UBASH3B: variants seen among roughly 807,000 people sequenced by gnomAD.
UBASH3B encodes ubiquitin associated and SH3 domain containing B.
Under a neutral mutation model 83.4 loss-of-function variants are expected in UBASH3B, and 37 were observed. The ratio of observed to expected loss-of-function variants is 0.44; its 90% CI spans 0.34 to 0.58. The LOEUF is 0.58. UBASH3B is among the 20% of genes least tolerant of loss of function. The probability of loss-of-function intolerance (pLI) is 0.01; values close to 1 mark genes in which losing one functional copy is unlikely to be tolerated. For missense variants in UBASH3B, 657 were observed against 827.2 expected (o/e 0.79, Z 2.52); for synonymous variants, 304 against 318.3 (o/e 0.96, Z 0.48).
At chr11:122,731,416 A>T (rs1860842216) in intron 1 of UBASH3B, among the ~76,000 whole-genome samples, 1 of 152,186 alleles carries the variant, frequency 6.6e-6, no homozygotes, top group Admixed American at 6.5e-5. Context: ...GGATATCCAA[A>T]TTGCCAGCCT....
chr11:122,772,467 G>A (rs773230265), intron 1 of UBASH3B, among the ~76,000 whole-genome samples: 1 of 152,120 alleles, frequency 6.6e-6, no homozygotes, highest in Non-Finnish European at 1.5e-5. Flanking sequence ...GAAGGGAGAG[G>A]AGGGAGGGAA....
rs1186423254 is a variant in UBASH3B, at chr11:122,758,276, A to G, written c.162-17943A>G. Among the ~76,000 whole-genome samples, 1 of 152,172 alleles carries G rather than the reference A, an allele frequency of 6.6e-6. No homozygotes were observed. The highest frequency in any genetic ancestry group is 2.4e-5 in the African/African-American group (1 of 41,432). On this transcript the variant is annotated intron_variant, in intron 1 of 13. Coordinates refer to ENST00000284273, the MANE Select transcript of UBASH3B (RefSeq NM_032873.5). The surrounding 1 kb of genome is among the most constrained non-coding windows in gnomAD (Gnocchi z 4.2). ...CGTGTTTGGTCAAGTCCCATTTATA[A>G]TATGTAAAGTACTCCCATAAAGGGG...
chr11:122,781,657 T>C (rs1031964588), intron 4 of UBASH3B, among the ~76,000 whole-genome samples: 25 of 152,240 alleles, frequency 1.6e-4, no homozygotes, highest in African/African-American at 5.8e-4. Context: ...CGCTCCTTAT[T>C]ACCCAGCATG....
rs1236139299 is a variant in UBASH3B, at chr11:122,779,607, C to T, written c.513C>T (p.Asn171=). 6.2e-7 allele frequency: 1 copy of T among 1,614,076 alleles called. No individual in the cohort carries two copies. The highest frequency in any genetic ancestry group is 8.5e-7 in the Non-Finnish European group (1 of 1,180,046). Residue 171 remains asparagine (N), a synonymous_variant, in exon 4 of 14, where the codon AAC becomes AAT. Transcript: ENST00000284273. ...PLPLELYTSS[N]FIGLFVKEDS... ...CCCTGGAGCTCTATACGTCGTCCAA[C>T]TTCATCGGCCTCTTTGTAAAGGAAG...
intron 1 of UBASH3B, among the ~76,000 whole-genome samples, chr11:122,663,524 C>G (rs1317625023): frequency 6.6e-6 from 1 of 152,182 alleles, no homozygotes; most frequent in African/African-American, 2.4e-5. Flanking sequence ...AGGGAGTGGA[C>G]AGTCATTCGC....
chr11:122,776,212 C>G lies in UBASH3B; in HGVS notation c.162-7C>G. On this transcript the variant is annotated splice_polypyrimidine_tract_variant and splice_region_variant and intron_variant, in intron 1 of 13. Transcript: ENST00000284273. ...ATTAACAATAGAAATTTGATTTCTT[C>G]TTTCAGACAAAAAGCCTTGGCATCC... 1 of 1,610,456 alleles carries G rather than the reference C, an allele frequency of 6.2e-7. No individual in the cohort carries two copies. The highest frequency in any genetic ancestry group is 8.5e-7 in the Non-Finnish European group (1 of 1,178,478).
chr11:122,772,644 C>T (rs1565559192), intron 1 of UBASH3B, among the ~76,000 whole-genome samples: 1 of 152,116 alleles, frequency 6.6e-6, no homozygotes. Context: ...CCAGACCAAC[C>T]TTGAATTCAA....
intron 1 of UBASH3B, among the ~76,000 whole-genome samples, chr11:122,667,793 C>T (rs1863539720): frequency 6.6e-6 from 1 of 152,150 alleles, no homozygotes; most frequent in South Asian, 2.1e-4. Flanking sequence ...TAGTAGGGCT[C>T]ATCTAGTCTA....
intron 1 of UBASH3B, among the ~76,000 whole-genome samples, chr11:122,688,531 C>T (rs1469298838): frequency 1.3e-5 from 2 of 151,812 alleles, no homozygotes; most frequent in African/African-American, 4.8e-5. Flanking sequence ...CTGCAAGCTC[C>T]GCCTCCCAGG....
At chr11:122,741,744 T>C (rs922302607) in intron 1 of UBASH3B, among the ~76,000 whole-genome samples, 3 of 152,188 alleles carry the variant, frequency 2.0e-5, no homozygotes, top group Admixed American at 2.0e-4. Flanking sequence ...GTGAACTTTC[T>C]GAACTTGGGT....
chr11:122,716,439 A>C (rs1225955678), intron 1 of UBASH3B, among the ~76,000 whole-genome samples: 3 of 152,194 alleles, frequency 2.0e-5, no homozygotes, highest in Non-Finnish European at 4.4e-5. Flanking sequence ...ATTGTGTCAG[A>C]TTGTAGTAAG....
At chr11:122,674,177 C>T (rs1863635662) in intron 1 of UBASH3B, among the ~76,000 whole-genome samples, 1 of 152,166 alleles carries the variant, frequency 6.6e-6, no homozygotes, top group Non-Finnish European at 1.5e-5. Context: ...TAAGTGCCCA[C>T]AAACACAGAG....
intron 5 of UBASH3B, among the ~76,000 whole-genome samples, chr11:122,786,812 G>A (rs556319017): frequency 6.6e-6 from 1 of 152,314 alleles, no homozygotes; most frequent in South Asian, 2.1e-4. Context: ...TTGGGGACAT[G>A]GGTCCCAGTT....
At chr11:122,741,499 A>T (rs1213052748) in intron 1 of UBASH3B, among the ~76,000 whole-genome samples, 1 of 152,168 alleles carries the variant, frequency 6.6e-6, no homozygotes, top group Non-Finnish European at 1.5e-5. Flanking sequence ...TCTCTTTAAG[A>T]TCTAAGTCAG....
rs116424305 is a variant in UBASH3B, at chr11:122,810,224, C to G, written c.*338C>G. On this transcript the variant is annotated 3_prime_UTR_variant, in exon 14 of 14. Transcript: ENST00000284273. ...TTTCTCCCAGAGGGAGCTGCTGGCC[C>G]GCTCTAAGGGGTGCAAGAGGAAGGA... 5 of 195,956 alleles carry G rather than the reference C, an allele frequency of 2.6e-5. No homozygotes were observed. The highest frequency in any genetic ancestry group is 4.7e-5 in the African/African-American group (2 of 42,884). 12.1% of individuals were successfully genotyped at this position (195,956 alleles called of 1,614,324 possible). A position where few individuals can be genotyped will look rare whatever the true frequency, so the allele number is the denominator to read the frequency against.
chr11:122,726,916 T>C (rs1860751720), intron 1 of UBASH3B, among the ~76,000 whole-genome samples: 1 of 152,226 alleles, frequency 6.6e-6, no homozygotes, highest in South Asian at 2.1e-4. Flanking sequence ...ATCAACCGTT[T>C]TGAGCTTTCT....
chr11:122,656,047 G>GC lies in UBASH3B; in HGVS notation c.-1dup. The GC allele has an allele frequency of 6.3e-7, 1 of 1,587,540 alleles. No homozygotes were observed. Among genetic ancestry groups the GC allele is most frequent in the Non-Finnish European group, 8.6e-7 (1 of 1,168,596 alleles). On this transcript the variant is annotated 5_prime_UTR_variant, in exon 1 of 14. Coordinates refer to ENST00000284273, the MANE Select transcript of UBASH3B (RefSeq NM_032873.5). The stretch of plus-strand genomic sequence containing the variant: ...TTCCCTGGCGATGGCTGGCCGCTGA[G>GC]CCATGGCTCAGTACGGCCACCCCAG...
At chr11:122,786,292 G>A (rs1228196329) in intron 5 of UBASH3B, among the ~76,000 whole-genome samples, 1 of 151,636 alleles carries the variant, frequency 6.6e-6, no homozygotes, top group African/African-American at 2.4e-5. Flanking sequence ...CTCATGATCC[G>A]CCTATCTCGG....
At chr11:122,781,857 C>T (rs1054411389) in intron 4 of UBASH3B, among the ~76,000 whole-genome samples, 1 of 152,076 alleles carries the variant, frequency 6.6e-6, no homozygotes, top group Admixed American at 6.5e-5. Flanking sequence ...ACAGTGTAAG[C>T]GAGAGACAAA....
Sources: allele counts gnomAD v4.1 joint callset (sites outside exome capture counted in the v4.1 genomes callset), GRCh38; gene constraint gnomAD v4.1.1; non-coding constraint Gnocchi (gnomAD v3.1); transcripts MANE v1.5; gene names NCBI Gene and HGNC (gene_info 2026-07-23, HGNC 2026-07-21).